CCNH: variants seen among roughly 807,000 people sequenced by gnomAD.
The protein encoded by CCNH is cyclin H, also known as cyclin-H.
Under a neutral mutation model 41.9 loss-of-function variants are expected in CCNH, and 31 were observed. That is an observed-to-expected ratio of 0.74 (90% confidence interval 0.56 to 1.00). The LOEUF (loss-of-function observed/expected upper bound fraction) is 1.00. Ranked by LOEUF, CCNH falls within the 50% of genes least tolerant of loss-of-function variation. The pLI, the probability that CCNH is intolerant of heterozygous loss-of-function variation, is 0.00. For synonymous variants in CCNH, 138 were observed against 136.1 expected (o/e 1.01, Z -0.10); for missense variants, 362 against 388.4 (o/e 0.93, Z 0.57).
At chr5:87,386,253 G>A (rs1762054855) in intron 9 of CCNH, among the ~76,000 whole-genome samples, 1 of 152,002 alleles carries the variant, frequency 6.6e-6, no homozygotes, top group Non-Finnish European at 1.5e-5. Flanking sequence ...TTAAAAGAGT[G>A]TGTTAATCTT....
intron 9 of CCNH, among the ~76,000 whole-genome samples, chr5:87,359,425 C>T (rs1382080764): frequency 1.3e-5 from 2 of 152,128 alleles, no homozygotes; most frequent in African/African-American, 4.8e-5. Flanking sequence ...TGTGTTTTTG[C>T]CCATAGCATC....
chr5:87,354,660 C>T (rs1290290280), intron 9 of CCNH, among the ~76,000 whole-genome samples: 2 of 152,100 alleles, frequency 1.3e-5, no homozygotes, highest in East Asian at 3.9e-4. Flanking sequence ...GGAAAAGTCA[C>T]ATGTCTCTCA....
chr5:87,312,804 CAAAT>C, the CCNH span, among the ~76,000 whole-genome samples: 3 of 152,030 alleles, frequency 2.0e-5, no homozygotes, highest in Non-Finnish European at 4.4e-5. Flanking sequence ...ATCTAGCAAA[CAAAT>C]AAACAAGAAC....
intron 9 of CCNH, among the ~76,000 whole-genome samples, chr5:87,323,047 T>A (rs796958473): frequency 4.6e-5 from 7 of 152,316 alleles, no homozygotes; most frequent in African/African-American, 1.7e-4. Flanking sequence ...AAGTTAGATT[T>A]AGAGAGGGAA....
intron 9 of CCNH, among the ~76,000 whole-genome samples, chr5:87,332,060 G>C (rs1757647352): frequency 6.6e-6 from 1 of 151,922 alleles, no homozygotes; most frequent in Non-Finnish European, 1.5e-5. Flanking sequence ...GTGTACCCTT[G>C]GTTTTTAGAT....
At chr5:87,399,730 A>G (rs1005653070) in intron 6 of CCNH, among the ~76,000 whole-genome samples, 2 of 152,246 alleles carry the variant, frequency 1.3e-5, no homozygotes, top group African/African-American at 2.4e-5. Flanking sequence ...CCCATATCAT[A>G]TACAGCATAA....
At chr5:87,321,986 T>C (rs1296201046) in intron 9 of CCNH, among the ~76,000 whole-genome samples, 1 of 152,156 alleles carries the variant, frequency 6.6e-6, no homozygotes, top group East Asian at 1.9e-4. Context: ...AATAAAAGAC[T>C]ATAACAAGGG....
chr5:87,336,621 G>A (rs1287236638), intron 9 of CCNH, among the ~76,000 whole-genome samples: 1 of 151,878 alleles, frequency 6.6e-6, no homozygotes, highest in South Asian at 2.1e-4. Flanking sequence ...TTTGGTTTTT[G>A]CACCATGAAA....
exon 10 of CCNH, chr5:87,318,586 T>C (rs1756523537): frequency 6.6e-6 from 1 of 152,142 alleles, no homozygotes; most frequent in Admixed American, 6.5e-5. Flanking sequence ...GCCACACACT[T>C]TTAAACCATC....
exon 10 of CCNH, chr5:87,318,780 CAT>C (rs993309584): frequency 4.6e-5 from 7 of 152,220 alleles, no homozygotes; most frequent in African/African-American, 1.7e-4. Flanking sequence ...ATTATTCTCA[CAT>C]GTCAAGACAC....
At chr5:87,362,027 T>C (rs915277255) in intron 9 of CCNH, among the ~76,000 whole-genome samples, 1 of 152,176 alleles carries the variant, frequency 6.6e-6, no homozygotes, top group Non-Finnish European at 1.5e-5. Context: ...GGGTGTGGCA[T>C]GTGACACACT....
At chr5:87,374,939 TAA>T, downstream of CCNH, 2 of 1,595,046 alleles carry the variant, frequency 1.3e-6, no homozygotes, top group Middle Eastern at 1.8e-4. Flanking sequence ...AGAAACTTTC[TAA>T]AATAGAAAAA....
downstream of CCNH, chr5:87,374,145 ATATTT>A: frequency 1.0e-5 from 14 of 1,348,352 alleles, no homozygotes; most frequent in African/African-American, 4.6e-5. Context: ...ATATATATAT[ATATTT>A]TTTTTTTTTT....
intron 7 of CCNH, among the ~76,000 whole-genome samples, chr5:87,395,959 A>T (rs1762924079): frequency 6.6e-6 from 1 of 151,850 alleles, no homozygotes; most frequent in Non-Finnish European, 1.5e-5. Flanking sequence ...TATATAAATA[A>T]TATATCATAT....
At chr5:87,374,513 C>A (rs1359716949), downstream of CCNH, among the ~76,000 whole-genome samples, 1 of 143,964 alleles carries the variant, frequency 6.9e-6, no homozygotes, top group Non-Finnish European at 1.5e-5. Flanking sequence ...AGTGCTATGC[C>A]CTTGGTTTTT....
chr5:87,374,740 T>A (rs560733365), downstream of CCNH: 14 of 1,492,626 alleles, frequency 9.4e-6, no homozygotes, highest in East Asian at 4.8e-5. Flanking sequence ...TTTTTTTTTT[T>A]AAAGCAGAAA....
At chr5:87,330,027 AT>A (rs2112362046) in intron 9 of CCNH, among the ~76,000 whole-genome samples, 1 of 152,228 alleles carries the variant, frequency 6.6e-6, no homozygotes, top group African/African-American at 2.4e-5. Context: ...TGCAGTATTG[AT>A]TGTTCTTTCC....
chr5:87,333,866 TACTG>T (rs1297544628), intron 9 of CCNH, among the ~76,000 whole-genome samples: 8 of 152,290 alleles, frequency 5.3e-5, no homozygotes, highest in African/African-American at 1.7e-4. Context: ...ATTTAATTCT[TACTG>T]ACACATTTTT....
chr5:87,376,772 A>G (rs1761355292), exon 1 of CCNH: 1 of 1,249,292 alleles, frequency 8.0e-7, no homozygotes, highest in Non-Finnish European at 1.1e-6. Flanking sequence ...ATTCAATGGG[A>G]CATCATTTTA....
Sources: gnomAD v4.1 joint callset for allele counts (sites outside exome capture counted in the v4.1 genomes callset) on GRCh38, gnomAD v4.1.1 for gene constraint, MANE v1.5 for transcripts, NCBI Gene and HGNC (gene_info 2026-07-23, HGNC 2026-07-21) for gene names.